The following TBC1D22A variants were observed in gnomAD, a reference collection of about 807,000 sequenced individuals.
The protein encoded by TBC1D22A is putative GTPase activator.
TBC1D22A carries 38 observed loss-of-function variants against 60.2 expected under a neutral mutation model. The observed-to-expected ratio is 0.63, with a 90% CI of 0.49 to 0.83. The LOEUF (loss-of-function observed/expected upper bound fraction) is 0.83, where lower values mean the gene tolerates loss of function less well. Ranked by LOEUF, TBC1D22A falls within the 40% of genes least tolerant of loss-of-function variation. TBC1D22A has a pLI of 0.00. For missense variants in TBC1D22A, 628 were observed against 701.0 expected, an observed-to-expected ratio of 0.90 and a Z score of 1.18; for synonymous variants, 302 against 281.7, an observed-to-expected ratio of 1.07 and a Z score of -0.72.
At chr22:47,042,601 T>C (rs1202361944) in intron 11 of TBC1D22A, among the ~76,000 whole-genome samples, 1 of 152,190 alleles carries the variant, frequency 6.6e-6, no homozygotes, top group Non-Finnish European at 1.5e-5. Context: ...AGCCCCACAT[T>C]CCAGGACACC....
At chr22:46,763,131 T>A in intron 1 of TBC1D22A, 1 of 405,260 alleles carries the variant, frequency 2.5e-6, no homozygotes, top group Non-Finnish European at 4.4e-6. Flanking sequence ...CCTGGGCTCC[T>A]TGGGGAGGCT....
intron 12 of TBC1D22A, among the ~76,000 whole-genome samples, chr22:47,138,446 C>T (rs1348488448): frequency 6.6e-6 from 1 of 152,122 alleles, no homozygotes; most frequent in African/African-American, 2.4e-5. Context: ...TGATGACCTG[C>T]AGGCTGGGGA....
Position 46,811,025 on chromosome 22 carries a change from A to C in TBC1D22A, c.637+13405A>C, listed in dbSNP as rs559101852. 2.8e-3 allele frequency among the ~76,000 whole-genome samples: 419 copies of C among 152,320 alleles called. 25 individuals are homozygous for C. In the South Asian group the frequency reaches 0.081, roughly 29 times the overall value. On this transcript the variant is annotated intron_variant, in intron 4 of 12. Coordinates refer to ENST00000337137, the MANE Select transcript of TBC1D22A (RefSeq NM_014346.5). ...TAGGCCAGGCTGTGTGTCAGAGTCC[A>C]TCATGCGGCTGTCATCCAGGACAGC...
At chr22:47,147,537 G>A (rs2147163202) in intron 12 of TBC1D22A, among the ~76,000 whole-genome samples, 1 of 152,232 alleles carries the variant, frequency 6.6e-6, no homozygotes, top group East Asian at 1.9e-4. Context: ...GAGGACCCAG[G>A]GGTCACACAT....
chr22:47,111,437 C>A, intron 11 of TBC1D22A, 71 bp from the exon 12 acceptor site: 1 of 1,402,168 alleles, frequency 7.1e-7, no homozygotes, highest in Non-Finnish European at 1.0e-6. Flanking sequence ...CTGACTGTCG[C>A]AGATAACCTC....
intron 8 of TBC1D22A, among the ~76,000 whole-genome samples, chr22:46,940,779 C>CATA (rs2071962178): frequency 4.9e-5 from 3 of 61,166 alleles, no homozygotes; most frequent in African/African-American, 1.6e-4. Context: ...TATATATGTA[C>CATA]ATATACAGTC....
chr22:47,074,604 C>G (rs1484976849), intron 11 of TBC1D22A, among the ~76,000 whole-genome samples: 1 of 152,222 alleles, frequency 6.6e-6, no homozygotes, highest in African/African-American at 2.4e-5. Context: ...TCTAATATCC[C>G]TTCTTTGTAC....
intron 8 of TBC1D22A, among the ~76,000 whole-genome samples, chr22:46,961,132 A>G (rs2073483328): frequency 6.6e-6 from 1 of 152,034 alleles, no homozygotes; most frequent in South Asian, 2.1e-4. Flanking sequence ...AATTAGTGTC[A>G]GTCAATTTAC....
intron 8 of TBC1D22A, among the ~76,000 whole-genome samples, chr22:46,940,037 G>C (rs1243773705): frequency 1.3e-5 from 2 of 152,212 alleles, no homozygotes; most frequent in East Asian, 3.8e-4. Flanking sequence ...AAGAAAGGGA[G>C]TACTGCGAGA....
Position 46,862,589 on chromosome 22 carries a change from G to C in TBC1D22A, c.638-16064G>C, listed in dbSNP as rs139369653. Among the ~76,000 whole-genome samples, 11 of 152,362 alleles carry C rather than the reference G, an allele frequency of 7.2e-5. No homozygotes were observed. In the East Asian group the frequency reaches 2.1e-3, roughly 29 times the overall value. ...GCTGTTCAGCCCCGGGAGCCAGCCAGCGAGAGCGGGGCTGCGGGAATTGGC... is the reference window on the plus strand; with the variant it reads ...GCTGTTCAGCCCCGGGAGCCAGCCACCGAGAGCGGGGCTGCGGGAATTGGC... On this transcript the variant is annotated intron_variant, in intron 4 of 12. Coordinates refer to ENST00000337137, the MANE Select transcript of TBC1D22A (RefSeq NM_014346.5).
In TBC1D22A at chr22:47,028,170, T is replaced by G. The variant is rs1267533750; in HGVS notation, c.1202-8901T>G. On this transcript the variant is annotated intron_variant, in intron 10 of 12. Transcript: ENST00000337137. The surrounding 1 kb of genome is among the most constrained non-coding windows in gnomAD (Gnocchi z 4.4). Reference sequence around the variant, plus strand: ...AGAAGAAGTTGTATTTTAGATTATGTTACTGTCAAAAAAATAGACCTCAAT... The same window carrying G: ...AGAAGAAGTTGTATTTTAGATTATGGTACTGTCAAAAAAATAGACCTCAAT... 1.3e-5 allele frequency among the ~76,000 whole-genome samples: 2 copies of G among 152,238 alleles called. No homozygotes were observed. Among genetic ancestry groups the G allele is most frequent in the African/African-American group, 4.8e-5 (2 of 41,452 alleles).
chr22:46,847,188 A>G (rs2087039477), intron 4 of TBC1D22A, among the ~76,000 whole-genome samples: 1 of 152,164 alleles, frequency 6.6e-6, no homozygotes, highest in African/African-American at 2.4e-5. Flanking sequence ...GGCATTTGGT[A>G]TGTTTTGTGC....
intron 4 of TBC1D22A, among the ~76,000 whole-genome samples, chr22:46,815,915 G>A (rs948704193): frequency 3.3e-5 from 5 of 152,086 alleles, no homozygotes; most frequent in African/African-American, 7.2e-5. Context: ...GGAGATAATC[G>A]GCTGGAGCCC....
chr22:46,948,513 TC>T (rs1388120686), intron 8 of TBC1D22A, among the ~76,000 whole-genome samples: 1 of 152,112 alleles, frequency 6.6e-6, no homozygotes, highest in Non-Finnish European at 1.5e-5. Context: ...GCTTTGCTCA[TC>T]CCCCCACGGT....
At chr22:46,913,543 G>T (rs572293218) in intron 8 of TBC1D22A, 3 of 1,230,900 alleles carry the variant, frequency 2.4e-6, no homozygotes, top group East Asian at 5.8e-5. Context: ...AGCTGCCTCG[G>T]CTCACTCCCT....
intron 12 of TBC1D22A, among the ~76,000 whole-genome samples, chr22:47,118,976 C>A (rs2066173735): frequency 6.6e-6 from 1 of 152,106 alleles, no homozygotes; most frequent in African/African-American, 2.4e-5. Context: ...TGGTGGAACC[C>A]CATCTCTACT....
chr22:46,836,882 G>A (rs1028892539), intron 4 of TBC1D22A, among the ~76,000 whole-genome samples: 3 of 152,094 alleles, frequency 2.0e-5, no homozygotes, highest in Admixed American at 1.3e-4. Context: ...CAAGAGGTTG[G>A]GTGCAGTGGC....
chr22:46,925,715 C>T (rs779454159), intron 8 of TBC1D22A, among the ~76,000 whole-genome samples: 2 of 152,078 alleles, frequency 1.3e-5, no homozygotes, highest in African/African-American at 2.4e-5. Context: ...TTAAAAAATA[C>T]GTGTTTTAAA....
intron 11 of TBC1D22A, among the ~76,000 whole-genome samples, chr22:47,064,601 G>C (rs564027383): frequency 6.6e-6 from 1 of 152,332 alleles, no homozygotes; most frequent in South Asian, 2.1e-4. Flanking sequence ...GCCCAGCCGT[G>C]CTCAGCACTG....
Sources: allele counts gnomAD v4.1 joint callset (sites outside exome capture counted in the v4.1 genomes callset), GRCh38; gene constraint gnomAD v4.1.1; non-coding constraint Gnocchi (gnomAD v3.1); transcripts MANE v1.5; gene names NCBI Gene and HGNC (gene_info 2026-07-23, HGNC 2026-07-21).